The following DLEC1 variants were observed in gnomAD, a reference collection of about 807,000 sequenced individuals.
DLEC1 encodes DLEC1 cilia and flagella associated protein, also known as deleted in lung and esophageal cancer protein 1.
In DLEC1, 146 loss-of-function variants were observed where a neutral mutation model predicts 198.1. That is an observed-to-expected ratio of 0.74 (90% CI 0.64 to 0.85). DLEC1 has a LOEUF of 0.85. DLEC1 is among the 40% of genes least tolerant of loss of function. The pLI is 0.00. For missense variants in DLEC1, 2,233 were observed against 2,220.0 expected (o/e 1.01, Z -0.12); for synonymous variants, 897 against 866.8 (o/e 1.03, Z -0.61).
rs201808543 is a variant in DLEC1 at position 38,121,708 on chromosome 3, G to A, written c.4947G>A (p.Val1649=). 6.2e-7 allele frequency: 1 copy of A among 1,614,114 alleles called. No individual in the cohort carries two copies. The highest frequency in any genetic ancestry group is 2.2e-5 in the East Asian group (1 of 44,880). ...TSWVDFGTCF[V]SQQRVREVYL... Reference sequence around the variant, plus strand: ...GGGTGGACTTTGGGACCTGCTTTGTGAGCCAGCAGCGAGTCCGGGAGGTCT... The same window carrying A: ...GGGTGGACTTTGGGACCTGCTTTGTAAGCCAGCAGCGAGTCCGGGAGGTCT... The change falls in exon 35 of 37, where the codon GTG becomes GTA. Residue 1649 remains valine, a synonymous_variant. Coordinates refer to ENST00000308059, the MANE Select transcript of DLEC1 (RefSeq NM_007335.4).
In DLEC1 at chr3:38,120,443, C is replaced by A; in HGVS notation, c.4705-5C>A. 6.2e-7 allele frequency: 1 copy of A among 1,614,160 alleles called. No homozygotes were observed. The highest frequency in any genetic ancestry group is 1.1e-5 in the South Asian group (1 of 91,082). Reference sequence around the variant, plus strand: ...GGAGTTGACACCATGTCCACATCTGCTCAGGTGAACGTGTCCTTCTCACTC... The same window carrying A: ...GGAGTTGACACCATGTCCACATCTGATCAGGTGAACGTGTCCTTCTCACTC... On this transcript the variant is annotated splice_region_variant and splice_polypyrimidine_tract_variant and intron_variant, in intron 33 of 36. Transcript: ENST00000308059.
chr3:38,058,206 T>G (rs755543160), intron 2 of DLEC1, among the ~76,000 whole-genome samples: 10 of 152,210 alleles, frequency 6.6e-5, no homozygotes, highest in Non-Finnish European at 1.2e-4. Context: ...TAATATTTGC[T>G]TACTCCATTC....
rs576735155 is a variant in DLEC1 at position 38,112,236 on chromosome 3, G to A, written c.3541G>A (p.Gly1181Arg). The change falls in exon 25 of 37, where the codon GGG becomes AGG. Residue 1181 changes from glycine to arginine, a missense_variant. Transcript: ENST00000308059. The surrounding 1 kb of genome is among the most constrained non-coding windows in gnomAD (Gnocchi z 4.8). The stretch of plus-strand genomic sequence containing the variant: ...TTTTATGGAGAGCATGCTATCCCAC[G>A]GGAAAGGAGCTGCTTTCTTCCCTCA... ...LDFMESMLSH[G>R]KGAAFFPHFS... 1.2e-5 allele frequency: 20 copies of A among 1,614,138 alleles called. No individual in the cohort carries two copies. Among genetic ancestry groups the A allele is most frequent in the South Asian group, 4.4e-5 (4 of 91,084 alleles).
chr3:38,039,856 A>G (rs1700573521), intron 1 of DLEC1, among the ~76,000 whole-genome samples: 1 of 152,236 alleles, frequency 6.6e-6, no homozygotes, highest in Admixed American at 6.5e-5. Context: ...TGCGGCATAT[A>G]TCTGTAGCAC....
intron 13 of DLEC1, chr3:38,095,675 G>A (rs1393740445): frequency 1.8e-6 from 1 of 567,846 alleles, no homozygotes; most frequent in Non-Finnish European, 3.1e-6. Context: ...AGGCCCAGCT[G>A]AGACAGGCCC....
Position 38,114,973 on chromosome 3 carries a change from C to G in DLEC1, c.3786-10C>G. On this transcript the variant is annotated splice_polypyrimidine_tract_variant and intron_variant, in intron 26 of 36. Coordinates refer to ENST00000308059, the MANE Select transcript of DLEC1 (RefSeq NM_007335.4). ...TGTGGCTGTACTGAGTCCAGTCTGTCCCCCTCCAGGTTCGGCACCCAGGTC... is the reference window on the plus strand; with the variant it reads ...TGTGGCTGTACTGAGTCCAGTCTGTGCCCCTCCAGGTTCGGCACCCAGGTC... 1.9e-6 allele frequency: 3 copies of G among 1,612,714 alleles called. No homozygotes were observed. Among genetic ancestry groups the G allele is most frequent in the Non-Finnish European group, 2.5e-6 (3 of 1,179,210 alleles).
intron 1 of DLEC1, among the ~76,000 whole-genome samples, chr3:38,044,795 GT>G (rs1447492587): frequency 2.6e-5 from 4 of 152,202 alleles, no homozygotes; most frequent in Non-Finnish European, 4.4e-5. Context: ...TGGATCAGAA[GT>G]TTGGCTGGTT....
chr3:38,050,164 G>T (rs1480624737), intron 2 of DLEC1, among the ~76,000 whole-genome samples: 2 of 151,920 alleles, frequency 1.3e-5, no homozygotes, highest in Non-Finnish European at 2.9e-5. Context: ...TGACTCCTGG[G>T]CTCAAGTAAT....
At position 38,063,943 on chromosome 3, in the gene DLEC1, C is replaced by T. The variant is rs1696837726; in HGVS notation, c.1173+24C>T. On this transcript the variant is annotated intron_variant, in intron 6 of 36. Coordinates refer to ENST00000308059, the MANE Select transcript of DLEC1 (RefSeq NM_007335.4). Reference sequence around the variant, plus strand: ...AGGTAGACATCTTGTTTCTTTACAGCTCCCACCCCATCTGCTTTCTTATTT... The same window carrying T: ...AGGTAGACATCTTGTTTCTTTACAGTTCCCACCCCATCTGCTTTCTTATTT... 10 of 1,506,806 alleles carry T rather than the reference C, an allele frequency of 6.6e-6. No individual in the cohort carries two copies. The East Asian group carries it at 2.3e-4, about 35-fold the overall frequency. The allele number at this position is 1,506,806 out of a possible 1,614,324, so 93.3% of individuals were successfully genotyped here.
chr3:38,114,225 G>A (rs930794817), intron 25 of DLEC1, 117 bp from the exon 26 acceptor site: 1 of 841,230 alleles, frequency 1.2e-6, no homozygotes, highest in African/African-American at 1.7e-5. Context: ...GGTACACAGT[G>A]AGGCTGGGAC....
chr3:38,078,180 A>G (rs992416274), intron 6 of DLEC1, among the ~76,000 whole-genome samples: 1 of 152,208 alleles, frequency 6.6e-6, no homozygotes, highest in Non-Finnish European at 1.5e-5. Flanking sequence ...GCCAGGAACA[A>G]TGGTAACTGT....
At chr3:38,077,856 C>A (rs953199107) in intron 6 of DLEC1, among the ~76,000 whole-genome samples, 9 of 152,074 alleles carry the variant, frequency 5.9e-5, no homozygotes, top group African/African-American at 2.2e-4. Flanking sequence ...CTGAATAATC[C>A]CTGAGGAGTA....
intron 1 of DLEC1, among the ~76,000 whole-genome samples, chr3:38,044,056 TC>T (rs1700775129): frequency 6.6e-6 from 1 of 151,756 alleles, no homozygotes; most frequent in South Asian, 2.1e-4. Flanking sequence ...ATTACTTGAG[TC>T]CAGGAGTTTG....
At chr3:38,116,741 C>T in intron 28 of DLEC1, 32 bp from the exon 29 acceptor site, 1 of 1,607,616 alleles carries the variant, frequency 6.2e-7, no homozygotes, top group Non-Finnish European at 8.5e-7. Flanking sequence ...ACCTCAGTGA[C>T]TGCGTGAACC....
chr3:38,093,436 G>A (rs545322895), intron 11 of DLEC1, among the ~76,000 whole-genome samples, 169 bp from the exon 12 acceptor site: 1 of 152,232 alleles, frequency 6.6e-6, no homozygotes, highest in Non-Finnish European at 1.5e-5. Context: ...TCAAAGATGT[G>A]AGAACATTAA....
chr3:38,080,609 C>T (rs1697924335), intron 6 of DLEC1, among the ~76,000 whole-genome samples: 2 of 151,846 alleles, frequency 1.3e-5, no homozygotes, highest in African/African-American at 4.8e-5. Context: ...TGTATTGGGG[C>T]CAAGCGGTGT....
chr3:38,114,648 G>A (rs542652628), intron 26 of DLEC1, among the ~76,000 whole-genome samples, 188 bp downstream of exon 26: 14 of 152,284 alleles, frequency 9.2e-5, no homozygotes, highest in African/African-American at 2.6e-4. Context: ...GCCACCACCT[G>A]GACATCTCTG....
At chr3:38,084,619 A>AGTG (rs1164137787) in intron 7 of DLEC1, among the ~76,000 whole-genome samples, 2 of 74,554 alleles carry the variant, frequency 2.7e-5, no homozygotes, top group Non-Finnish European at 5.8e-5. Context: ...CAGTAGCAGT[A>AGTG]CTGCTACTAC....
chr3:38,108,358 T>G, intron 20 of DLEC1, 47 bp from the exon 21 acceptor site: 1 of 1,505,468 alleles, frequency 6.6e-7, no homozygotes, highest in East Asian at 2.3e-5. Flanking sequence ...ACTGGTCCAT[T>G]CTGGGAGCCC....
Sources: gnomAD v4.1 joint callset for allele counts (sites outside exome capture counted in the v4.1 genomes callset) on GRCh38, gnomAD v4.1.1 for gene constraint, Gnocchi (gnomAD v3.1) non-coding constraint, MANE v1.5 for transcripts, NCBI Gene and HGNC (gene_info 2026-07-23, HGNC 2026-07-21) for gene names.